Variants in PACRG observed in about 807,000 individuals in gnomAD.
PACRG encodes the protein parkin coregulated.
A neutral mutation model predicts 29.7 loss-of-function variants in PACRG; 29 were observed. The observed-to-expected ratio is 0.98, with a 90% CI of 0.73 to 1.33. The LOEUF (loss-of-function observed/expected upper bound fraction) is 1.33, where lower values mean the gene tolerates loss of function less well. Ranked by LOEUF, PACRG falls within the 40% of genes most tolerant of loss-of-function variation. The probability of loss-of-function intolerance (pLI) is 0.00; values close to 1 mark genes in which losing one functional copy is unlikely to be tolerated. For missense variants in PACRG, 279 were observed against 316.2 expected, an observed-to-expected ratio of 0.88 and a Z score of 0.89; for synonymous variants, 116 against 118.7, an observed-to-expected ratio of 0.98 and a Z score of 0.15.
At chr6:163,181,444 TC>T (rs1417185515) in intron 4 of PACRG, among the ~76,000 whole-genome samples, 2 of 151,564 alleles carry the variant, frequency 1.3e-5, no homozygotes, top group East Asian at 1.9e-4. Flanking sequence ...CTTCTGTGAG[TC>T]CCCGGAGATG....
At chr6:162,742,166 C>T (rs1273292822) in intron 1 of PACRG, among the ~76,000 whole-genome samples, 1 of 152,162 alleles carries the variant, frequency 6.6e-6, no homozygotes, top group Non-Finnish European at 1.5e-5. Flanking sequence ...TCACCCGAAT[C>T]TCATCTTGAA....
intron 2 of PACRG, among the ~76,000 whole-genome samples, chr6:163,035,822 A>G (rs1808127539): frequency 6.6e-6 from 1 of 151,096 alleles, no homozygotes; most frequent in Non-Finnish European, 1.5e-5. Context: ...CAAAAAAAAA[A>G]AAAAAAAAAA....
intron 1 of PACRG, among the ~76,000 whole-genome samples, chr6:162,765,087 T>A (rs552632414): frequency 6.6e-6 from 1 of 152,114 alleles, no homozygotes; most frequent in African/African-American, 2.4e-5. Context: ...TACATACCTA[T>A]TTATCATCAT....
intron 1 of PACRG, among the ~76,000 whole-genome samples, chr6:162,752,186 A>G (rs964099121): frequency 3.9e-5 from 6 of 152,186 alleles, no homozygotes; most frequent in African/African-American, 1.2e-4. Flanking sequence ...GCAAAGCTCT[A>G]TTTTACACAC....
chr6:162,988,892 T>C (rs60416951), intron 2 of PACRG, among the ~76,000 whole-genome samples: 8,982 of 152,268 alleles, frequency 0.059, 834 homozygotes, highest in African/African-American at 0.2. Context: ...TACAGTAGTT[T>C]TACAAAATTT....
At chr6:163,302,474 A>G (rs924022948) in intron 4 of PACRG, among the ~76,000 whole-genome samples, 2 of 152,212 alleles carry the variant, frequency 1.3e-5, no homozygotes, top group East Asian at 3.8e-4. Flanking sequence ...GGTTATTTTT[A>G]ACTAAGACAG....
intron 4 of PACRG, among the ~76,000 whole-genome samples, chr6:163,290,194 G>A (rs535172170): frequency 1.3e-5 from 2 of 152,000 alleles, no homozygotes; most frequent in East Asian, 3.9e-4. Context: ...ACCCTACCCA[G>A]AAGTCACGGC....
intron 1 of PACRG, among the ~76,000 whole-genome samples, chr6:162,744,496 G>A (rs536640431): frequency 7.2e-5 from 11 of 152,200 alleles, no homozygotes; most frequent in South Asian, 2.1e-4. Context: ...TTGGGAGGCC[G>A]AGGTTGGAGG....
chr6:162,813,051 T>C (rs944541280), intron 1 of PACRG, among the ~76,000 whole-genome samples: 3 of 152,070 alleles, frequency 2.0e-5, no homozygotes, highest in Non-Finnish European at 1.5e-5. Context: ...TAATTTCAAA[T>C]ATAATCCTTT....
intron 4 of PACRG, among the ~76,000 whole-genome samples, chr6:163,160,053 CTG>C (rs1409207872): frequency 6.6e-6 from 1 of 152,170 alleles, no homozygotes; most frequent in South Asian, 2.1e-4. Context: ...ATTATTTTCG[CTG>C]TGTGTTGGGA....
chr6:163,028,572 A>G (rs1477218366), intron 2 of PACRG, among the ~76,000 whole-genome samples: 1 of 152,226 alleles, frequency 6.6e-6, no homozygotes, highest in African/African-American at 2.4e-5. Flanking sequence ...AATACATATT[A>G]AATATGATTC....
At chr6:162,891,497 C>T (rs1438777594) in intron 2 of PACRG, among the ~76,000 whole-genome samples, 1 of 152,118 alleles carries the variant, frequency 6.6e-6, no homozygotes, top group Non-Finnish European at 1.5e-5. Flanking sequence ...TGCTCTCTGG[C>T]TTGCTGCAGC....
At position 163,253,756 on chromosome 6, in the gene PACRG, C is replaced by G. The variant is rs558630029; in HGVS notation, c.614-61071C>G. On this transcript the variant is annotated intron_variant, in intron 4 of 4. Coordinates refer to ENST00000366888, the MANE Select transcript of PACRG (RefSeq NM_001080379.2). The stretch of plus-strand genomic sequence containing the variant: ...AGCCACACAAAACTATCTTCCCTCA[C>G]CAGGTGCCTCCTTGAGCCTGAAATT... 1.4e-4 allele frequency among the ~76,000 whole-genome samples: 21 copies of G among 152,352 alleles called. No individual in the cohort carries two copies. The South Asian group carries it at 4.3e-3, about 32-fold the overall frequency.
chr6:163,208,175 G>A lies in PACRG; in HGVS notation c.614-106652G>A, dbSNP rs1485465596. Among the ~76,000 whole-genome samples the A allele has an allele frequency of 2.6e-5, 4 of 152,122 alleles. No individual in the cohort carries two copies. The East Asian group carries it at 5.8e-4, about 22-fold the overall frequency. On this transcript the variant is annotated intron_variant, in intron 4 of 4. Coordinates refer to ENST00000366888, the MANE Select transcript of PACRG (RefSeq NM_001080379.2). ...GTAAACTAGCTTATATTGCACAATC[G>A]AGTCCAAAGATTATTTTTGCTTTAT...
intron 4 of PACRG, chr6:163,183,169 C>T (rs772325272): frequency 1.3e-5 from 2 of 152,226 alleles, no homozygotes; most frequent in African/African-American, 4.8e-5. Flanking sequence ...TTCGGGGAAC[C>T]GTGAGTAGGA....
chr6:162,762,096 C>T (rs1436171784), intron 1 of PACRG, among the ~76,000 whole-genome samples: 1 of 152,024 alleles, frequency 6.6e-6, no homozygotes. Context: ...GTATCACCAT[C>T]CTTGATGACA....
intron 1 of PACRG, among the ~76,000 whole-genome samples, chr6:162,730,593 G>A (rs1779687635): frequency 6.6e-6 from 1 of 152,072 alleles, no homozygotes; most frequent in Non-Finnish European, 1.5e-5. Context: ...TTCATCAAAT[G>A]GGCTGTGCAA....
chr6:162,933,646 A>G (rs1214590333), intron 2 of PACRG, among the ~76,000 whole-genome samples: 1 of 83,950 alleles, frequency 1.2e-5, no homozygotes, highest in African/African-American at 5.5e-5. Context: ...GTTTTGTTTG[A>G]TATAATTACA....
chr6:162,971,442 G>A (rs1049515987), intron 2 of PACRG, among the ~76,000 whole-genome samples: 2 of 152,124 alleles, frequency 1.3e-5, no homozygotes, highest in East Asian at 3.9e-4. Flanking sequence ...GAGCACTTAC[G>A]GAGCTTCCTA....
Sources: gnomAD v4.1 joint callset for allele counts (sites outside exome capture counted in the v4.1 genomes callset) on GRCh38, gnomAD v4.1.1 for gene constraint, MANE v1.5 for transcripts, NCBI Gene and HGNC (gene_info 2026-07-23, HGNC 2026-07-21) for gene names.